Variants in TPRG1 observed in about 807,000 individuals in gnomAD.
TPRG1 encodes the protein tumor protein p63-regulated gene 1 protein.
In TPRG1, 29 loss-of-function variants were observed where a neutral mutation model predicts 29.3. The observed-to-expected ratio is 0.99, with a 90% CI of 0.74 to 1.35. The LOEUF is 1.35. Among genes scored for constraint, TPRG1 ranks in the 40% most tolerant of loss-of-function variants. TPRG1 has a pLI of 0.00. For synonymous variants in TPRG1, 130 were observed against 116.8 expected (o/e 1.11, Z -0.73); for missense variants, 327 against 335.0 (o/e 0.98, Z 0.19).
At chr3:189,022,881 C>T (rs1052890946) in intron 3 of TPRG1, among the ~76,000 whole-genome samples, 5 of 152,252 alleles carry the variant, frequency 3.3e-5, no homozygotes, top group Admixed American at 6.5e-5. Context: ...ATCAGCGAGA[C>T]TCCGTGGGGT....
intron 4 of TPRG1, among the ~76,000 whole-genome samples, chr3:189,272,116 A>T (rs192534604): frequency 6.6e-6 from 1 of 152,350 alleles, no homozygotes; most frequent in East Asian, 1.9e-4. Flanking sequence ...TCTTGATGGG[A>T]AAAACACAGT....
chr3:189,250,509 C>CCCA (rs1560605367), intron 4 of TPRG1, among the ~76,000 whole-genome samples: 1 of 72,252 alleles, frequency 1.4e-5, no homozygotes, highest in Non-Finnish European at 2.6e-5. Flanking sequence ...TTTCCGCCCC[C>CCCA]CCCCCCCCAC....
rs111934121 is a variant in TPRG1 at position 189,281,375 on chromosome 3, G to T, written c.480-29011G>T. 4.3e-3 allele frequency among the ~76,000 whole-genome samples: 655 copies of T among 152,192 alleles called. 3 individuals are homozygous for T. Among genetic ancestry groups the T allele is most frequent in the African/African-American group, 0.015 (616 of 41,512 alleles). On this transcript the variant is annotated intron_variant, in intron 4 of 5. Transcript: ENST00000345063. ...AATGGGAAGAAGTCCTACATTGTTG[G>T]GTCTGTATGTGAAACTTCGTACACC...
chr3:189,061,066 C>A (rs567840728), intron 4 of TPRG1, among the ~76,000 whole-genome samples: 6 of 152,166 alleles, frequency 3.9e-5, no homozygotes, highest in Non-Finnish European at 8.8e-5. Context: ...CTACAGTAAC[C>A]TGAACAGCAT....
At chr3:189,010,678 G>C (rs1183074011) in intron 3 of TPRG1, among the ~76,000 whole-genome samples, 2 of 152,156 alleles carry the variant, frequency 1.3e-5, no homozygotes, top group Non-Finnish European at 2.9e-5. Context: ...CTGGATAACA[G>C]ACCTTTGTCA....
intron 1 of TPRG1, among the ~76,000 whole-genome samples, chr3:189,178,235 A>G (rs974432910): frequency 8.5e-5 from 13 of 152,226 alleles, no homozygotes; most frequent in Admixed American, 2.0e-4. Flanking sequence ...TAACAGAAGT[A>G]TGCTTTCATG....
chr3:189,017,498 T>A (rs894545542), intron 3 of TPRG1, among the ~76,000 whole-genome samples: 18 of 152,156 alleles, frequency 1.2e-4, no homozygotes, highest in African/African-American at 4.1e-4. Context: ...TTTGTTCTTG[T>A]GATAGTTTAC....
chr3:189,035,761 C>CA (rs1271796282), intron 4 of TPRG1, among the ~76,000 whole-genome samples: 1 of 52,778 alleles, frequency 1.9e-5, no homozygotes, highest in Non-Finnish European at 1.4e-4. Context: ...ACTAAAATGT[C>CA]AAAAAATAAC....
intron 3 of TPRG1, among the ~76,000 whole-genome samples, chr3:189,224,494 C>CAAA (rs1263097578): frequency 1.4e-4 from 20 of 145,246 alleles, no homozygotes; most frequent in African/African-American, 4.4e-4. Context: ...ACAACAACAA[C>CAAA]AACAAAAAAA....
At chr3:189,308,069 C>G (rs997074272) in intron 4 of TPRG1, among the ~76,000 whole-genome samples, 3 of 152,198 alleles carry the variant, frequency 2.0e-5, no homozygotes, top group African/African-American at 7.2e-5. Flanking sequence ...ACCACCTACA[C>G]TATTCACACA....
intron 4 of TPRG1, among the ~76,000 whole-genome samples, chr3:189,271,528 A>C (rs1461347446): frequency 1.3e-5 from 2 of 152,284 alleles, no homozygotes; most frequent in Non-Finnish European, 2.9e-5. Context: ...AATGTGCCAT[A>C]GCAGAAAATA....
intron 4 of TPRG1, among the ~76,000 whole-genome samples, chr3:189,073,645 A>G (rs1012030741): frequency 6.6e-6 from 1 of 152,136 alleles, no homozygotes; most frequent in South Asian, 2.1e-4. Flanking sequence ...TGATAATTCT[A>G]TATGTCAAAA....
chr3:189,260,045 A>T (rs996021802), intron 4 of TPRG1, among the ~76,000 whole-genome samples: 10 of 152,122 alleles, frequency 6.6e-5, no homozygotes, highest in Non-Finnish European at 1.5e-4. Context: ...AGGCTTAAAG[A>T]CCTTGTTCTG....
chr3:189,032,224 A>T (rs879803283), intron 4 of TPRG1, among the ~76,000 whole-genome samples: 1 of 152,194 alleles, frequency 6.6e-6, no homozygotes, highest in Non-Finnish European at 1.5e-5. Context: ...AGAAAATGTG[A>T]TGACTGAAGC....
At chr3:189,247,021 A>G (rs1421155482) in intron 4 of TPRG1, among the ~76,000 whole-genome samples, 1 of 152,048 alleles carries the variant, frequency 6.6e-6, no homozygotes, top group Non-Finnish European at 1.5e-5. Context: ...ATCTTTCAAC[A>G]AGTTTCGGAG....
chr3:189,239,860 G>T (rs1009612681), intron 4 of TPRG1, among the ~76,000 whole-genome samples: 1 of 152,182 alleles, frequency 6.6e-6, no homozygotes, highest in East Asian at 1.9e-4. Context: ...GAGGTCTACA[G>T]AGGAGAATGC....
chr3:189,097,838 G>GAAAA (rs1419248056), upstream of TPRG1, among the ~76,000 whole-genome samples: 1 of 152,152 alleles, frequency 6.6e-6, no homozygotes, highest in African/African-American at 2.4e-5. Context: ...TCTCTGAAAG[G>GAAAA]ATCTCAGAAA....
chr3:189,058,021 G>A (rs567792144), intron 4 of TPRG1, among the ~76,000 whole-genome samples: 4 of 151,928 alleles, frequency 2.6e-5, no homozygotes, highest in African/African-American at 9.7e-5. Context: ...ATGACAGTAT[G>A]TATATGTCAG....
At chr3:189,184,843 CA>C (rs1216071000) in intron 1 of TPRG1, among the ~76,000 whole-genome samples, 1 of 152,204 alleles carries the variant, frequency 6.6e-6, no homozygotes, top group Non-Finnish European at 1.5e-5. Flanking sequence ...CTGTTCAGAA[CA>C]CTCAGTGTTA....
Sources: gnomAD v4.1 joint callset for allele counts (sites outside exome capture counted in the v4.1 genomes callset) on GRCh38, gnomAD v4.1.1 for gene constraint, MANE v1.5 for transcripts, NCBI Gene and HGNC (gene_info 2026-07-23, HGNC 2026-07-21) for gene names.